Variants in SGCZ observed in about 807,000 individuals in gnomAD.
SGCZ encodes sarcoglycan zeta, also known as zeta-sarcoglycan.
In SGCZ, 40 loss-of-function variants were observed where a neutral mutation model predicts 41.3. The ratio of observed to expected loss-of-function variants is 0.97; its 90% CI spans 0.75 to 1.26. SGCZ has a LOEUF of 1.26. Ranked by LOEUF, SGCZ falls within the 50% of genes most tolerant of loss-of-function variation. The pLI is 0.00. For synonymous variants in SGCZ, 206 were observed against 137.5 expected, an observed-to-expected ratio of 1.50 and a Z score of -3.49; for missense variants, 552 against 369.8, an observed-to-expected ratio of 1.49 and a Z score of -4.04.
chr8:14,093,668 A>T (rs576555746), intron 7 of SGCZ, among the ~76,000 whole-genome samples: 3 of 152,194 alleles, frequency 2.0e-5, no homozygotes, highest in Admixed American at 6.6e-5. Context: ...TTTCTGAACC[A>T]TAAGACTACT....
chr8:14,123,077 C>G (rs1035250194), intron 5 of SGCZ, among the ~76,000 whole-genome samples: 1 of 152,094 alleles, frequency 6.6e-6, no homozygotes, highest in Non-Finnish European at 1.5e-5. Context: ...AGAAGAACGA[C>G]CAAATTACAA....
intron 1 of SGCZ, among the ~76,000 whole-genome samples, chr8:14,626,941 A>G (rs939415494): frequency 9.2e-5 from 14 of 152,292 alleles, no homozygotes; most frequent in Admixed American, 4.6e-4. Context: ...TTACTGCTTC[A>G]GGATCTTATA....
At chr8:14,239,826 C>T (rs1474599418) in intron 3 of SGCZ, among the ~76,000 whole-genome samples, 2 of 125,794 alleles carry the variant, frequency 1.6e-5, no homozygotes, top group Admixed American at 1.0e-4. Flanking sequence ...GGCGTGAACC[C>T]GGGAGGCGGA....
intron 1 of SGCZ, among the ~76,000 whole-genome samples, chr8:15,069,778 A>T (rs1251254494): frequency 1.3e-5 from 2 of 152,222 alleles, no homozygotes; most frequent in African/African-American, 4.8e-5. Flanking sequence ...TAGATTACTC[A>T]TACAAAATGC....
chr8:14,825,159 G>C (rs983290887), intron 1 of SGCZ, among the ~76,000 whole-genome samples: 2 of 152,086 alleles, frequency 1.3e-5, no homozygotes, highest in African/African-American at 4.8e-5. Flanking sequence ...TTCATGGAGC[G>C]CTGTGAATTA....
intron 5 of SGCZ, among the ~76,000 whole-genome samples, chr8:14,125,634 A>G (rs139638444): frequency 7.1e-4 from 108 of 152,322 alleles, no homozygotes; most frequent in South Asian, 1.5e-3. Flanking sequence ...AATACTTTAA[A>G]ATTCATATGC....
In SGCZ at chr8:15,038,358, G is replaced by C. The variant is rs541904179; in HGVS notation, c.39+199227C>G. On this transcript the variant is annotated intron_variant, in intron 1 of 7. Transcript: ENST00000382080. ...TTTGCAAGAACACAAAATGAGGAAA[G>C]GATGATCTCTTCAATAAATGATGTT... Among the ~76,000 whole-genome samples the C allele has an allele frequency of 4.6e-5, 7 of 152,104 alleles. No individual in the cohort carries two copies. The East Asian group carries it at 7.8e-4, about 17-fold the overall frequency.
At chr8:14,247,238 T>C (rs1563210415) in intron 3 of SGCZ, among the ~76,000 whole-genome samples, 1 of 152,198 alleles carries the variant, frequency 6.6e-6, no homozygotes, top group Non-Finnish European at 1.5e-5. Flanking sequence ...GAATCTCTTC[T>C]GAGAAGGCTC....
intron 1 of SGCZ, among the ~76,000 whole-genome samples, chr8:15,095,314 A>T (rs1585556833): frequency 6.6e-6 from 1 of 152,008 alleles, no homozygotes; most frequent in Admixed American, 6.6e-5. Context: ...ACCCAAGCTG[A>T]TCTCAAATTC....
chr8:14,595,400 AACACACACACACACACACAC>A (rs34287378), intron 1 of SGCZ, among the ~76,000 whole-genome samples: 1 of 136,316 alleles, frequency 7.3e-6, no homozygotes, highest in African/African-American at 2.8e-5. Context: ...AACATGCACA[AACACACACACACACACACAC>A]ACACACACAC....
intron 1 of SGCZ, among the ~76,000 whole-genome samples, chr8:14,557,629 A>T (rs1408473063): frequency 6.6e-6 from 1 of 152,022 alleles, no homozygotes; most frequent in Admixed American, 6.6e-5. Context: ...ATCCAGTTTC[A>T]TTATCCTACA....
chr8:14,157,288 T>C (rs1388333857), intron 5 of SGCZ, among the ~76,000 whole-genome samples: 1 of 148,662 alleles, frequency 6.7e-6, no homozygotes, highest in East Asian at 1.9e-4. Flanking sequence ...TGTATATACA[T>C]ATTATATTTA....
intron 1 of SGCZ, among the ~76,000 whole-genome samples, chr8:14,717,841 T>C (rs1027704534): frequency 3.3e-5 from 5 of 152,048 alleles, no homozygotes; most frequent in Non-Finnish European, 7.4e-5. Flanking sequence ...AAATCCACTC[T>C]AGTAACTTCC....
intron 1 of SGCZ, among the ~76,000 whole-genome samples, chr8:14,769,673 T>A (rs1373326980): frequency 6.6e-6 from 1 of 151,574 alleles, no homozygotes; most frequent in East Asian, 1.9e-4. Context: ...GAGCCTGTAA[T>A]CCCAGCTACT....
intron 1 of SGCZ, among the ~76,000 whole-genome samples, chr8:14,559,196 G>A (rs2410195): frequency 0.092 from 13,950 of 152,002 alleles, 943 homozygotes; most frequent in East Asian, 0.33. Context: ...AACTGTCACT[G>A]TTTGCTGATG....
At chr8:14,170,027 T>C (rs970205143) in intron 4 of SGCZ, among the ~76,000 whole-genome samples, 2 of 151,784 alleles carry the variant, frequency 1.3e-5, no homozygotes, top group Non-Finnish European at 2.9e-5. Flanking sequence ...TTGAATACTT[T>C]GTAAATTTTA....
intron 3 of SGCZ, among the ~76,000 whole-genome samples, chr8:14,322,576 G>A (rs1307605469): frequency 6.6e-6 from 1 of 152,030 alleles, no homozygotes; most frequent in Non-Finnish European, 1.5e-5. Context: ...TCTACAACCT[G>A]CCTGCTGGTA....
chr8:14,948,921 T>G (rs1193391175), intron 1 of SGCZ, among the ~76,000 whole-genome samples: 1 of 152,022 alleles, frequency 6.6e-6, no homozygotes, highest in African/African-American at 2.4e-5. Flanking sequence ...AAAGCCAGGA[T>G]TTCTCCACTT....
At chr8:14,113,528 C>T (rs1034369619) in intron 5 of SGCZ, among the ~76,000 whole-genome samples, 2 of 152,004 alleles carry the variant, frequency 1.3e-5, no homozygotes, top group Admixed American at 1.3e-4. Flanking sequence ...AGATTTCCAG[C>T]CTTTTTTGAG....
Sources: gnomAD v4.1 joint callset for allele counts (sites outside exome capture counted in the v4.1 genomes callset) on GRCh38, gnomAD v4.1.1 for gene constraint, MANE v1.5 for transcripts, NCBI Gene and HGNC (gene_info 2026-07-23, HGNC 2026-07-21) for gene names.